The following MYCBP2 variants were observed in gnomAD, a reference collection of about 807,000 sequenced individuals.
The protein encoded by MYCBP2 is MYC binding protein 2.
A neutral mutation model predicts 525.3 loss-of-function variants in MYCBP2; 120 were observed. The observed-to-expected ratio is 0.23, with a 90% CI of 0.20 to 0.27. The LOEUF (loss-of-function observed/expected upper bound fraction) is 0.27, where lower values mean the gene tolerates loss of function less well. MYCBP2 is among the 10% of genes least tolerant of loss of function. The probability of loss-of-function intolerance (pLI) is 1.00; values close to 1 mark genes in which losing one functional copy is unlikely to be tolerated. For synonymous variants in MYCBP2, 1,894 were observed against 1,955.8 expected (o/e 0.97, Z 0.83); for missense variants, 4,149 against 5,657.1 (o/e 0.73, Z 8.55).
In MYCBP2 at chr13:77,108,102, G is replaced by A. The variant is rs2154141122; in HGVS notation, c.8141-9089C>T. ...GAAAGAACAACATTTTAAACTTAAG[G>A]ATAAAATAGAAACAAGCTTTTTACT... On this transcript the variant is annotated intron_variant, in intron 55 of 82. Coordinates refer to ENST00000544440, the MANE Select transcript of MYCBP2 (RefSeq NM_015057.5). 2.6e-5 allele frequency among the ~76,000 whole-genome samples: 4 copies of A among 152,152 alleles called. No individual in the cohort carries two copies. The South Asian group carries it at 8.3e-4, about 32-fold the overall frequency.
Position 77,098,957 on chromosome 13 carries a change from C to T in MYCBP2, c.8197G>A (p.Glu2733Lys). Residue 2733 changes from glutamate (E) to lysine (K), a missense_variant, in exon 56 of 83, where the codon GAG becomes AAG. By Grantham distance (56) the Glu-to-Lys change is moderately conservative. Around this residue, in one of 21 missense-constraint regions of MYCBP2, gnomAD observed 653 missense variants for 744.7 expected, o/e 0.88. Coordinates refer to ENST00000544440, the MANE Select transcript of MYCBP2 (RefSeq NM_015057.5). ...GATCTGCTGTGTTTAGAGGACAGCT[C>T]TGATTTTCCTGATGTAGAGGCTGGT... ...SKPASTSGKS[E>K]LSSKHSRSLK... 2 of 1,612,422 alleles carry T rather than the reference C, an allele frequency of 1.2e-6. No homozygotes were observed. Among genetic ancestry groups the T allele is most frequent in the Non-Finnish European group, 1.7e-6 (2 of 1,179,658 alleles).
At chr13:77,149,648 T>C (rs1439341716) in intron 47 of MYCBP2, among the ~76,000 whole-genome samples, 1 of 152,214 alleles carries the variant, frequency 6.6e-6, no homozygotes, top group Non-Finnish European at 1.5e-5. Flanking sequence ...TTCAGAAGTA[T>C]CTAAAACTCA....
In MYCBP2 at chr13:77,226,044, T is replaced by G. The variant is rs77633146; in HGVS notation, c.2738-490A>C. On this transcript the variant is annotated intron_variant, in intron 18 of 82. Coordinates refer to ENST00000544440, the MANE Select transcript of MYCBP2 (RefSeq NM_015057.5). ...AAAGGCTACACTGCCCATAAGTATTTTGAAACTCAACTGAACTTTTCAAAA... is the reference window on the plus strand; with the variant it reads ...AAAGGCTACACTGCCCATAAGTATTGTGAAACTCAACTGAACTTTTCAAAA... 8.7e-3 allele frequency among the ~76,000 whole-genome samples: 1,325 copies of G among 152,340 alleles called. 21 individuals carry two copies. Among genetic ancestry groups the G allele is most frequent in the African/African-American group, 0.03 (1,234 of 41,578 alleles).
At chr13:77,171,759 AC>A (rs1404812488) in intron 37 of MYCBP2, 125 bp from the exon 38 acceptor site, 1 of 888,114 alleles carries the variant, frequency 1.1e-6, no homozygotes, top group Non-Finnish European at 1.7e-6. Context: ...AAAAAAGTAA[AC>A]ATGCAACTAT....
chr13:77,264,357 C>T (rs1190722332), intron 8 of MYCBP2, among the ~76,000 whole-genome samples: 1 of 152,056 alleles, frequency 6.6e-6, no homozygotes, highest in African/African-American at 2.4e-5. Context: ...AGGCAACACT[C>T]TACTCTCAGA....
chr13:77,206,203 A>T (rs571605255), intron 24 of MYCBP2, among the ~76,000 whole-genome samples: 4 of 151,896 alleles, frequency 2.6e-5, no homozygotes. Flanking sequence ...TAATTAAATA[A>T]GTACTACATC....
At chr13:77,156,229 A>G in intron 45 of MYCBP2, 27 bp from the exon 46 acceptor site, 1 of 1,602,564 alleles carries the variant, frequency 6.2e-7, no homozygotes, top group Non-Finnish European at 8.5e-7. Flanking sequence ...ACAAATAAAC[A>G]AAACCCCAAA....
intron 48 of MYCBP2, among the ~76,000 whole-genome samples, chr13:77,145,569 C>T (rs536328163): frequency 6.6e-6 from 1 of 152,258 alleles, no homozygotes; most frequent in South Asian, 2.1e-4. Flanking sequence ...CCAGCCTATA[C>T]ATAATTCTGC....
intron 2 of MYCBP2, among the ~76,000 whole-genome samples, chr13:77,291,716 G>A (rs2077495960): frequency 6.6e-6 from 1 of 151,346 alleles, no homozygotes; most frequent in Non-Finnish European, 1.5e-5. Flanking sequence ...GCAATGAGCC[G>A]AGATCGTGCC....
At position 77,326,219 on chromosome 13, in the gene MYCBP2, A is replaced by G. The variant is rs2154385938; in HGVS notation, c.302+255T>C. 7.6e-6 allele frequency among the ~76,000 whole-genome samples: 1 copy of G among 130,754 alleles called. No homozygotes were observed. The highest frequency in any genetic ancestry group is 3.0e-5 in the African/African-American group (1 of 33,630). 85.8% of individuals were successfully genotyped at this position (130,754 alleles called of 152,430 possible). On this transcript the variant is annotated intron_variant, in intron 1 of 82. Coordinates refer to ENST00000544440, the MANE Select transcript of MYCBP2 (RefSeq NM_015057.5). The surrounding 1 kb of genome is among the most constrained non-coding windows in gnomAD (Gnocchi z 4.2). ...ACAGGTTCCCCTACCACCCCTCACT[A>G]TCCCCCCACATAGGCAGGCAGACAC...
At chr13:77,229,411 AT>A (rs2154299360) in intron 18 of MYCBP2, among the ~76,000 whole-genome samples, 1 of 152,308 alleles carries the variant, frequency 6.6e-6, no homozygotes, top group African/African-American at 2.4e-5. Flanking sequence ...GGTAGGACAA[AT>A]TTAGAGTTTA....
chr13:77,189,553 G>A (rs9544433), intron 29 of MYCBP2, among the ~76,000 whole-genome samples: 2,181 of 152,190 alleles, frequency 0.014, 21 homozygotes, highest in Middle Eastern at 0.024. Context: ...TAGGGAGATA[G>A]AATCACAGTT....
At chr13:77,196,362 C>A (rs1172427925) in intron 26 of MYCBP2, among the ~76,000 whole-genome samples, 2 of 152,154 alleles carry the variant, frequency 1.3e-5, no homozygotes, top group African/African-American at 4.8e-5. Context: ...CTACAGGATT[C>A]TGAAGAGACA....
intron 67 of MYCBP2, 135 bp downstream of exon 67, chr13:77,077,013 G>T: frequency 8.0e-7 from 1 of 1,249,484 alleles, no homozygotes; most frequent in Non-Finnish European, 1.1e-6. Context: ...CAGGTGTTTA[G>T]GGCTATGAAA....
In MYCBP2 at chr13:77,262,778, C is replaced by A. The variant is rs565302446; in HGVS notation, c.1571-649G>T. On this transcript the variant is annotated intron_variant, in intron 10 of 82. Coordinates refer to ENST00000544440, the MANE Select transcript of MYCBP2 (RefSeq NM_015057.5). ...AGTAATTGTAGCTTTACATATGGTA[C>A]ATTTTATGACTTTGTCCAGCTATAC... Among the ~76,000 whole-genome samples the A allele has an allele frequency of 3.0e-3, 449 of 152,012 alleles. 2 individuals carry two copies. The highest frequency in any genetic ancestry group is 5.2e-3 in the Admixed American group (80 of 15,262).
At chr13:77,262,210 G>C (rs765871015) in intron 10 of MYCBP2, 81 bp from the exon 11 acceptor site, 19 of 1,129,618 alleles carry the variant, frequency 1.7e-5, no homozygotes, top group Non-Finnish European at 2.4e-5. Context: ...TTAAGTGATT[G>C]CAATGTCAAT....
intron 55 of MYCBP2, among the ~76,000 whole-genome samples, chr13:77,102,216 C>T (rs915026116): frequency 3.3e-5 from 5 of 151,526 alleles, no homozygotes; most frequent in African/African-American, 1.2e-4. Flanking sequence ...TGATATATAG[C>T]ATATATCAGG....
At chr13:77,259,364 G>T (rs572242360) in intron 13 of MYCBP2, among the ~76,000 whole-genome samples, 1 of 152,088 alleles carries the variant, frequency 6.6e-6, no homozygotes, top group South Asian at 2.1e-4. Context: ...ACTGTCTCTC[G>T]GATCCTCAAA....
chr13:77,181,849 G>A lies in MYCBP2; in HGVS notation c.4793C>T (p.Thr1598Met), dbSNP rs763978416. The stretch of plus-strand genomic sequence containing the variant: ...GAAGATGGAAGTCAGCTTAACAGAC[G>A]TGTGACACAGAGCTGACATAACAGC... The part of the protein sequence containing the change: ...LAAVMSALCH[T>M]SVKLTSIFPI... The change falls in exon 33 of 83, where the codon ACG becomes ATG. Residue 1598 changes from threonine to methionine, a missense_variant. Around this residue, in one of 21 missense-constraint regions of MYCBP2, gnomAD observed 292 missense variants for 330.5 expected, o/e 0.88. Transcript: ENST00000544440. 3.1e-6 allele frequency: 5 copies of A among 1,613,916 alleles called. No homozygotes were observed. Among genetic ancestry groups the A allele is most frequent in the Middle Eastern group, 1.6e-4 (1 of 6,084 alleles).
Sources: allele counts gnomAD v4.1 joint callset (sites outside exome capture counted in the v4.1 genomes callset), GRCh38; gene constraint gnomAD v4.1.1; regional missense constraint gnomAD v4.1.1; non-coding constraint Gnocchi (gnomAD v3.1); transcripts MANE v1.5; gene names NCBI Gene and HGNC (gene_info 2026-07-23, HGNC 2026-07-21).